The following OPCML variants were observed in gnomAD, a reference collection of about 807,000 sequenced individuals.
OPCML encodes the protein opioid-binding protein/cell adhesion molecule.
OPCML carries 13 observed loss-of-function variants against 37.8 expected under a neutral mutation model. That is an observed-to-expected ratio of 0.34 (90% CI 0.22 to 0.55). The LOEUF (loss-of-function observed/expected upper bound fraction) is 0.55, where lower values mean the gene tolerates loss of function less well. OPCML is among the 20% of genes least tolerant of loss of function. The pLI, the probability that OPCML is intolerant of heterozygous loss-of-function variation, is 0.91. For synonymous variants in OPCML, 176 were observed against 168.8 expected, an observed-to-expected ratio of 1.04 and a Z score of -0.33; for missense variants, 341 against 435.6, an observed-to-expected ratio of 0.78 and a Z score of 1.93.
intron 1 of OPCML, among the ~76,000 whole-genome samples, chr11:133,408,661 C>T (rs1174136840): frequency 6.6e-6 from 1 of 152,094 alleles, no homozygotes; most frequent in African/African-American, 2.4e-5. Flanking sequence ...CTCACTCAGA[C>T]TGGGGCCTTG....
intron 1 of OPCML, chr11:133,297,531 C>A (rs565029714): frequency 6.6e-6 from 1 of 152,260 alleles, no homozygotes; most frequent in Non-Finnish European, 1.5e-5. Flanking sequence ...AAAATGCATA[C>A]GTCCCAGCTG....
intron 1 of OPCML, among the ~76,000 whole-genome samples, chr11:133,304,308 T>A (rs936454658): frequency 1.3e-5 from 2 of 152,172 alleles, no homozygotes; most frequent in African/African-American, 4.8e-5. Flanking sequence ...ACATATAACA[T>A]TTATGGAGCT....
chr11:132,451,360 C>A (rs757535199), intron 4 of OPCML, among the ~76,000 whole-genome samples: 1 of 125,270 alleles, frequency 8.0e-6, no homozygotes, highest in Non-Finnish European at 1.6e-5. Flanking sequence ...GTGAGGGAAG[C>A]AGGAAGGGTA....
intron 1 of OPCML, among the ~76,000 whole-genome samples, chr11:133,144,802 A>T (rs191957109): frequency 6.6e-6 from 1 of 152,360 alleles, no homozygotes; most frequent in East Asian, 1.9e-4. Context: ...GGTAGCTAAG[A>T]GATATTTCCA....
intron 1 of OPCML, among the ~76,000 whole-genome samples, chr11:133,343,317 C>A (rs1448281730): frequency 6.6e-6 from 1 of 152,204 alleles, no homozygotes; most frequent in Non-Finnish European, 1.5e-5. Flanking sequence ...CACTCTTTAA[C>A]TATGGGGCTG....
chr11:132,827,265 G>A (rs1266122194), intron 2 of OPCML, among the ~76,000 whole-genome samples: 1 of 152,068 alleles, frequency 6.6e-6, no homozygotes, highest in Non-Finnish European at 1.5e-5. Context: ...AAAAGATCAG[G>A]TACCCCACCA....
chr11:132,896,798 G>A (rs1020146143), intron 2 of OPCML, among the ~76,000 whole-genome samples: 3 of 152,182 alleles, frequency 2.0e-5, no homozygotes, highest in Non-Finnish European at 4.4e-5. Context: ...TCAGAGCACG[G>A]GAGATAATCC....
chr11:132,777,855 G>C (rs1946860984), intron 2 of OPCML, among the ~76,000 whole-genome samples: 1 of 152,162 alleles, frequency 6.6e-6, no homozygotes, highest in African/African-American at 2.4e-5. Context: ...TTCACAGCTA[G>C]CTTAGTTCTT....
At chr11:132,517,950 A>G (rs1477602203) in intron 4 of OPCML, among the ~76,000 whole-genome samples, 2 of 152,186 alleles carry the variant, frequency 1.3e-5, no homozygotes, top group Middle Eastern at 3.2e-3. Flanking sequence ...GTAGATCAGA[A>G]ATGAGATGTT....
chr11:133,348,169 T>C (rs538024089), intron 1 of OPCML, among the ~76,000 whole-genome samples: 121 of 152,320 alleles, frequency 7.9e-4, no homozygotes, highest in African/African-American at 2.9e-3. Flanking sequence ...TGTTATGAAA[T>C]GTGTGTGCTC....
Position 132,424,908 on chromosome 11 carries a change from G to A in OPCML, c.917-4615C>T, listed in dbSNP as rs191949965. 2.3e-4 allele frequency among the ~76,000 whole-genome samples: 35 copies of A among 152,290 alleles called. 1 individual carries two copies. Among genetic ancestry groups the A allele is most frequent in the Admixed American group, 1.1e-3 (17 of 15,298 alleles). Reference sequence around the variant, plus strand: ...TATGTTGAACCTGGGGTGAGGTATTGGTAAGGGAGTGAGTAAAGAGGTGAG... The same window carrying A: ...TATGTTGAACCTGGGGTGAGGTATTAGTAAGGGAGTGAGTAAAGAGGTGAG... On this transcript the variant is annotated intron_variant, in intron 7 of 7. Coordinates refer to ENST00000524381, the MANE Select transcript of OPCML (RefSeq NM_001012393.5).
intron 1 of OPCML, among the ~76,000 whole-genome samples, chr11:133,490,332 T>C (rs894248938): frequency 3.3e-5 from 5 of 152,236 alleles, no homozygotes; most frequent in African/African-American, 1.2e-4. Context: ...TGTAGTTCAA[T>C]ATTTCACTGT....
At chr11:132,677,187 A>G (rs1441058610) in intron 2 of OPCML, among the ~76,000 whole-genome samples, 1 of 152,118 alleles carries the variant, frequency 6.6e-6, no homozygotes, top group Non-Finnish European at 1.5e-5. Context: ...ATATAAATCT[A>G]ACAAAGTATG....
rs1362353233 is a variant in OPCML at position 133,174,690 on chromosome 11, T to A, written c.62-231680A>T. Among the ~76,000 whole-genome samples the A allele has an allele frequency of 6.6e-6, 1 of 150,854 alleles. No individual in the cohort carries two copies. The highest frequency in any genetic ancestry group is 2.5e-5 in the African/African-American group (1 of 40,772). The stretch of plus-strand genomic sequence containing the variant: ...GGAAGTTAAACACCTGAGTGAAGTG[T>A]GTGTATTTCTTGTCTCCTGAAAAAT... On this transcript the variant is annotated intron_variant, in intron 1 of 7. Coordinates refer to ENST00000524381, the MANE Select transcript of OPCML (RefSeq NM_001012393.5). This position sits in a 1 kb window ranked among gnomAD's most constrained non-coding sequence, Gnocchi z 4.6.
chr11:133,100,934 A>C (rs148592867), intron 1 of OPCML, among the ~76,000 whole-genome samples: 35 of 152,244 alleles, frequency 2.3e-4, no homozygotes, highest in East Asian at 1.4e-3. Flanking sequence ...ATTTTTATTT[A>C]TTTCTTTTTG....
At chr11:132,791,436 G>A (rs1007285008) in intron 2 of OPCML, among the ~76,000 whole-genome samples, 1 of 152,078 alleles carries the variant, frequency 6.6e-6, no homozygotes, top group African/African-American at 2.4e-5. Flanking sequence ...CTAATAACAA[G>A]AACTATCAGA....
At chr11:133,531,976 A>C (rs4403819) in intron 1 of OPCML, 29,569 of 156,990 alleles carry the variant, frequency 0.19, 3,434 homozygotes, top group East Asian at 0.51. Flanking sequence ...CCAGTTGGTG[A>C]CTTTCACTGA....
chr11:132,800,706 C>G (rs1336568665), intron 2 of OPCML, among the ~76,000 whole-genome samples: 2 of 152,144 alleles, frequency 1.3e-5, no homozygotes, highest in East Asian at 3.9e-4. Context: ...TGGTGGATTA[C>G]ATTAATTGAT....
At chr11:132,952,011 T>C (rs1403727953) in intron 1 of OPCML, among the ~76,000 whole-genome samples, 1 of 152,234 alleles carries the variant, frequency 6.6e-6, no homozygotes. Flanking sequence ...TTCAAACTGT[T>C]ATTCATAAAT....
Sources: gnomAD v4.1 joint callset for allele counts (sites outside exome capture counted in the v4.1 genomes callset) on GRCh38, gnomAD v4.1.1 for gene constraint, Gnocchi (gnomAD v3.1) non-coding constraint, MANE v1.5 for transcripts, NCBI Gene and HGNC (gene_info 2026-07-23, HGNC 2026-07-21) for gene names.